SATB2: variants seen among roughly 807,000 people sequenced by gnomAD.
The protein encoded by SATB2 is DNA-binding protein SATB2.
In SATB2, 1 loss-of-function variant was observed where a neutral mutation model predicts 73.4. The observed-to-expected ratio is 0.01, with a 90% CI of 0.00 to 0.06. SATB2 has a LOEUF of 0.06. SATB2 is among the 10% of genes least tolerant of loss of function. SATB2 has a pLI of 1.00. For synonymous variants in SATB2, 397 were observed against 367.0 expected (o/e 1.08, Z -0.93); for missense variants, 459 against 945.8 (o/e 0.49, Z 6.75).
chr2:199,298,153 CA>C (rs1462246771), intron 10 of SATB2, among the ~76,000 whole-genome samples: 6 of 152,200 alleles, frequency 3.9e-5, no homozygotes, highest in Admixed American at 6.5e-5. Flanking sequence ...TAATAACGCT[CA>C]GAAGCTACTA....
chr2:199,390,454 T>C (rs944566474), intron 3 of SATB2, among the ~76,000 whole-genome samples: 1 of 152,236 alleles, frequency 6.6e-6, no homozygotes. Flanking sequence ...AAAAAACTCA[T>C]GGTGGCAGGT....
At chr2:199,462,644 CCCGGCAGCTCAGGGGG>C (rs1293484738), upstream of SATB2, among the ~76,000 whole-genome samples, 1 of 152,172 alleles carries the variant, frequency 6.6e-6, no homozygotes, top group Non-Finnish European at 1.5e-5. This position sits in a 1 kb window ranked among gnomAD's most constrained non-coding sequence, Gnocchi z 5.9. Flanking sequence ...TCCTGGCTCC[CCCGGCAGCTCAGGGGG>C]TCTGGGCGGG....
chr2:199,301,753 T>TA (rs1227211150), intron 10 of SATB2, among the ~76,000 whole-genome samples: 1 of 152,152 alleles, frequency 6.6e-6, no homozygotes, highest in Non-Finnish European at 1.5e-5. Flanking sequence ...GGCAGAATTA[T>TA]AATGCAGAGA....
At chr2:199,415,828 T>A in intron 3 of SATB2, among the ~76,000 whole-genome samples, 1 of 152,164 alleles carries the variant, frequency 6.6e-6, no homozygotes, top group East Asian at 1.9e-4. Context: ...TTTCCTGGCA[T>A]GATGCTCCAC....
At chr2:199,369,778 G>A (rs1015334219) in intron 5 of SATB2, among the ~76,000 whole-genome samples, 7 of 152,102 alleles carry the variant, frequency 4.6e-5, no homozygotes, top group Non-Finnish European at 8.8e-5. Flanking sequence ...TTATTTAACA[G>A]GAGGTTAAAA....
At chr2:199,383,361 G>A (rs920591293) in intron 3 of SATB2, among the ~76,000 whole-genome samples, 1 of 152,084 alleles carries the variant, frequency 6.6e-6, no homozygotes, top group African/African-American at 2.4e-5. Flanking sequence ...GAACATCCAG[G>A]GCCCACTGGA....
intron 3 of SATB2, chr2:199,396,049 C>A (rs1010195857): frequency 6.6e-6 from 1 of 152,190 alleles, no homozygotes; most frequent in African/African-American, 2.4e-5. Context: ...ACTGCTCGTG[C>A]TAAAGCTCCA....
At chr2:199,374,246 A>G (rs1689531775) in intron 5 of SATB2, among the ~76,000 whole-genome samples, 1 of 152,250 alleles carries the variant, frequency 6.6e-6, no homozygotes, top group South Asian at 2.1e-4. Context: ...AGTCTCAGCC[A>G]GCACCATGGG....
chr2:199,426,066 A>G (rs1055875913), intron 3 of SATB2, among the ~76,000 whole-genome samples: 4 of 152,138 alleles, frequency 2.6e-5, no homozygotes, highest in African/African-American at 9.7e-5. Context: ...AGAGCCACAG[A>G]ATTTTTTAAA....
intron 10 of SATB2, among the ~76,000 whole-genome samples, chr2:199,301,377 C>G (rs577355564): frequency 6.6e-6 from 1 of 152,132 alleles, no homozygotes; most frequent in Non-Finnish European, 1.5e-5. Context: ...GTACTAGAAG[C>G]CATGTTCCAC....
intron 3 of SATB2, among the ~76,000 whole-genome samples, chr2:199,382,872 C>T (rs1689820581): frequency 6.6e-6 from 1 of 151,846 alleles, no homozygotes; most frequent in Non-Finnish European, 1.5e-5. Context: ...CAGGTGAGTC[C>T]AACTACACTG....
intron 2 of SATB2, among the ~76,000 whole-genome samples, chr2:199,447,585 G>A (rs1160350650): frequency 6.6e-6 from 1 of 152,138 alleles, no homozygotes; most frequent in Non-Finnish European, 1.5e-5. Flanking sequence ...AAAAAAAGGA[G>A]GGGGAGAGAG....
At chr2:199,292,058 T>C (rs938679464) in intron 10 of SATB2, among the ~76,000 whole-genome samples, 2 of 151,992 alleles carry the variant, frequency 1.3e-5, no homozygotes, top group Non-Finnish European at 2.9e-5. Flanking sequence ...AAAAGAATAT[T>C]TGTGAAAAGC....
rs1275524025 is a variant in SATB2 at position 199,455,818 on chromosome 2, G to A, written c.169+51C>T. 1 of 1,523,044 alleles carries A rather than the reference G, an allele frequency of 6.6e-7. No individual in the cohort carries two copies. The highest frequency in any genetic ancestry group is 1.2e-5 in the South Asian group (1 of 83,684). The allele number at this position is 1,523,044 out of a possible 1,614,324, so 94.3% of individuals were successfully genotyped here. A position where few individuals can be genotyped will look rare whatever the true frequency, so the allele number is the denominator to read the frequency against. On this transcript the variant is annotated intron_variant, in intron 2 of 10. Transcript: ENST00000417098. The surrounding 1 kb of genome is among the most constrained non-coding windows in gnomAD (Gnocchi z 4.1). ...AATCAACCTGAACCCTGACACCCGG[G>A]CCATTATCACTGGGCCGCGGGCTGC...
At chr2:199,323,328 T>C (rs956160813) in intron 9 of SATB2, among the ~76,000 whole-genome samples, 37 of 152,100 alleles carry the variant, frequency 2.4e-4, no homozygotes, top group African/African-American at 8.9e-4. Context: ...AAGAAACACC[T>C]GACATCAAAA....
intron 5 of SATB2, among the ~76,000 whole-genome samples, chr2:199,369,646 T>C (rs999250393): frequency 2.6e-5 from 4 of 152,182 alleles, no homozygotes; most frequent in African/African-American, 9.7e-5. Context: ...ATATCTTGCC[T>C]TGAAATCTCA....
chr2:199,379,687 T>C (rs79659257), intron 5 of SATB2, among the ~76,000 whole-genome samples: 35 of 107,582 alleles, frequency 3.3e-4, no homozygotes, highest in East Asian at 1.4e-3. Flanking sequence ...CTTTTCTTTT[T>C]TTTTTTTTTT....
At position 199,330,662 on chromosome 2, in the gene SATB2, G is replaced by A. The variant is rs1481973645; in HGVS notation, c.1174-1752C>T. Among the ~76,000 whole-genome samples, 3 of 152,182 alleles carry A rather than the reference G, an allele frequency of 2.0e-5. No homozygotes were observed. In the East Asian group the frequency reaches 5.8e-4, roughly 29 times the overall value. ...ATCGACTCTCTGAAATTAAAAGTCAGTTCTGCCTAAAGCTATCCTACTTTC... is the reference window on the plus strand; with the variant it reads ...ATCGACTCTCTGAAATTAAAAGTCAATTCTGCCTAAAGCTATCCTACTTTC... On this transcript the variant is annotated intron_variant, in intron 7 of 10. Coordinates refer to ENST00000417098, the MANE Select transcript of SATB2 (RefSeq NM_001172509.2).
intron 2 of SATB2, 93 bp from the exon 3 acceptor site, chr2:199,433,607 G>T: frequency 8.5e-7 from 1 of 1,170,714 alleles, no homozygotes; most frequent in Non-Finnish European, 1.3e-6. Context: ...ATAAAAGTCA[G>T]TCATCTGTGA....
Sources: gnomAD v4.1 joint callset for allele counts (sites outside exome capture counted in the v4.1 genomes callset) on GRCh38, gnomAD v4.1.1 for gene constraint, Gnocchi (gnomAD v3.1) non-coding constraint, MANE v1.5 for transcripts, NCBI Gene and HGNC (gene_info 2026-07-23, HGNC 2026-07-21) for gene names.